Variants in RNF169 observed in about 807,000 individuals in gnomAD.
RNF169 encodes E3 ubiquitin-protein ligase RNF169.
RNF169 carries 24 observed loss-of-function variants against 53.9 expected under a neutral mutation model. That is an observed-to-expected ratio of 0.45 (90% CI 0.32 to 0.63). The LOEUF (loss-of-function observed/expected upper bound fraction) is 0.63, where lower values mean the gene tolerates loss of function less well. Ranked by LOEUF, RNF169 falls within the 20% of genes least tolerant of loss-of-function variation. The pLI, the probability that RNF169 is intolerant of heterozygous loss-of-function variation, is 0.04. For missense variants in RNF169, 883 were observed against 906.2 expected (o/e 0.97, Z 0.33); for synonymous variants, 396 against 363.5 (o/e 1.09, Z -1.02).
In RNF169 at chr11:74,792,819, GT is replaced by G. The variant is rs1215061519; in HGVS notation, c.576+3125del. On this transcript the variant is annotated intron_variant, in intron 2 of 5. Transcript: ENST00000299563. ...TTTTAAAAGGGGCTGATGCCATAAT[GT>G]TTTTGAGTGAAGCTAGGATAATCTC... is the stretch of plus-strand genomic sequence containing the variant. Among the ~76,000 whole-genome samples the G allele has an allele frequency of 2.0e-5, 3 of 152,298 alleles. No homozygotes were observed. In the East Asian group the frequency reaches 5.8e-4, roughly 29 times the overall value.
intron 2 of RNF169, among the ~76,000 whole-genome samples, chr11:74,797,711 G>A (rs111256265): frequency 1.3e-3 from 195 of 152,204 alleles, no homozygotes; most frequent in African/African-American, 4.5e-3. Flanking sequence ...ATTTGGCTGG[G>A]CACAGTGGCT....
At position 74,836,612 on chromosome 11, in the gene RNF169, G is replaced by T. The variant is rs192609539; in HGVS notation, c.2009G>T (p.Arg670Leu). Reference sequence around the variant, plus strand: ...AAGCTTCAGCAAGAGGAAGAAGACCGACAGTTGGCTCTGCAGTTGCAGCGC... The same window carrying T: ...AAGCTTCAGCAAGAGGAAGAAGACCTACAGTTGGCTCTGCAGTTGCAGCGC... ...EQKLQQEEED[R>L]QLALQLQRMF... The change falls in exon 6 of 6, where the codon CGA (arginine) becomes CTA (leucine). Residue 670 changes from arginine (R) to leucine (L), a missense_variant. Coordinates refer to ENST00000299563, the MANE Select transcript of RNF169 (RefSeq NM_001098638.2). The T allele has an allele frequency of 6.2e-7, 1 of 1,614,098 alleles. No individual in the cohort carries two copies. The highest frequency in any genetic ancestry group is 1.3e-5 in the African/African-American group (1 of 75,062).
rs2036299805 is a variant in RNF169 at position 74,839,026 on chromosome 11, G to T, written c.*2296G>T. The T allele has an allele frequency of 6.6e-6, 1 of 152,118 alleles. No individual in the cohort carries two copies. The highest frequency in any genetic ancestry group is 6.5e-5 in the Admixed American group (1 of 15,276). The allele number at this position is 152,118 out of a possible 1,614,324, so 9.4% of individuals were successfully genotyped here. ...AAAGAAATATTTTTAATAGATAAAA[G>T]ATATATATTTTAAATATTTCCCCAA... On this transcript the variant is annotated 3_prime_UTR_variant, in exon 6 of 6. Transcript: ENST00000299563.
intron 4 of RNF169, among the ~76,000 whole-genome samples, chr11:74,829,310 C>G (rs1591432529): frequency 6.6e-6 from 1 of 152,128 alleles, no homozygotes; most frequent in Admixed American, 6.5e-5. Flanking sequence ...TCACACCAGT[C>G]AGAATGGCTA....
intron 2 of RNF169, among the ~76,000 whole-genome samples, chr11:74,809,016 T>G (rs528310768): frequency 6.6e-6 from 1 of 152,288 alleles, no homozygotes; most frequent in East Asian, 1.9e-4. Flanking sequence ...TTTTAAAGAT[T>G]AGTTCAGGCT....
At chr11:74,786,860 T>C (rs1022079738) in intron 1 of RNF169, among the ~76,000 whole-genome samples, 3 of 152,156 alleles carry the variant, frequency 2.0e-5, no homozygotes, top group Non-Finnish European at 4.4e-5. Flanking sequence ...AAAATGAAAA[T>C]GTTAAGCTCT....
chr11:74,784,294 T>G (rs1278834771), intron 1 of RNF169, among the ~76,000 whole-genome samples: 1 of 152,202 alleles, frequency 6.6e-6, no homozygotes, highest in Non-Finnish European at 1.5e-5. Context: ...AACTATGATC[T>G]AAAGAGATTT....
At chr11:74,778,642 G>T (rs978056768) in intron 1 of RNF169, among the ~76,000 whole-genome samples, 1 of 152,110 alleles carries the variant, frequency 6.6e-6, no homozygotes. Context: ...GAGAACTGCC[G>T]CCACTTTCAA....
In RNF169 at chr11:74,773,575, A is replaced by G. The variant is rs887148127; in HGVS notation, c.503-16051A>G. 3.3e-5 allele frequency among the ~76,000 whole-genome samples: 5 copies of G among 152,254 alleles called. No individual in the cohort carries two copies. In the South Asian group the frequency reaches 6.2e-4, roughly 19 times the overall value. Reference sequence around the variant, plus strand: ...TTTCACCTACTGAATCCCAGGCACAACAATATTCTTACATGTTTATTTTTC... The same window carrying G: ...TTTCACCTACTGAATCCCAGGCACAGCAATATTCTTACATGTTTATTTTTC... On this transcript the variant is annotated intron_variant, in intron 1 of 5. Transcript: ENST00000299563.
intron 3 of RNF169, among the ~76,000 whole-genome samples, chr11:74,816,169 C>T (rs1667810661): frequency 6.6e-6 from 1 of 152,230 alleles, no homozygotes; most frequent in Non-Finnish European, 1.5e-5. Context: ...ATGCAGGGTA[C>T]TCGGAGCCAT....
intron 3 of RNF169, among the ~76,000 whole-genome samples, chr11:74,814,020 ATCTTAAGT>A (rs1281592274): frequency 1.3e-5 from 2 of 151,476 alleles, no homozygotes; most frequent in African/African-American, 4.8e-5. Flanking sequence ...GTTTTAGTTC[ATCTTAAGT>A]TGTGGGTATT....
In RNF169 at chr11:74,813,873, G is replaced by A. The variant is rs556252552; in HGVS notation, c.723+3543G>A. 2.6e-5 allele frequency among the ~76,000 whole-genome samples: 4 copies of A among 152,128 alleles called. No homozygotes were observed. The South Asian group carries it at 8.3e-4, about 32-fold the overall frequency. On this transcript the variant is annotated intron_variant, in intron 3 of 5. Transcript: ENST00000299563. ...GCCCAGTTAATCTTTTGTATTTTTA[G>A]TAGAGATGGCGTTTCACCATGTTAG...
chr11:74,804,350 T>C lies in RNF169; in HGVS notation c.577-5834T>C, dbSNP rs527956386. Among the ~76,000 whole-genome samples the C allele has an allele frequency of 5.9e-5, 9 of 152,302 alleles. No homozygotes were observed. The South Asian group carries it at 1.7e-3, about 28-fold the overall frequency. On this transcript the variant is annotated intron_variant, in intron 2 of 5. Coordinates refer to ENST00000299563, the MANE Select transcript of RNF169 (RefSeq NM_001098638.2). ...GAGTGAATAAATGAGTACAAATTTT[T>C]GTAAAATAACAATTTGTGAAGTGTA... is the stretch of plus-strand genomic sequence containing the variant.
intron 4 of RNF169, among the ~76,000 whole-genome samples, chr11:74,833,621 T>C (rs996058390): frequency 2.6e-5 from 4 of 152,230 alleles, no homozygotes; most frequent in African/African-American, 4.8e-5. Flanking sequence ...CTTGAAGATC[T>C]AGACTGTGTC....
chr11:74,776,569 A>G (rs945471497), intron 1 of RNF169, among the ~76,000 whole-genome samples: 2 of 151,668 alleles, frequency 1.3e-5, no homozygotes, highest in Admixed American at 6.6e-5. Flanking sequence ...ACACATACCT[A>G]GAGATCATCC....
chr11:74,780,615 T>C lies in RNF169; in HGVS notation c.503-9011T>C, dbSNP rs192504925. Among the ~76,000 whole-genome samples the C allele has an allele frequency of 7.2e-5, 11 of 152,354 alleles. No individual in the cohort carries two copies. In the East Asian group the frequency reaches 1.7e-3, roughly 24 times the overall value. ...CATTTCATACTTTAAAAAATGGTTT[T>C]AATTTTTGGCTTGTAGTTTCATCAT... On this transcript the variant is annotated intron_variant, in intron 1 of 5. Transcript: ENST00000299563.
rs958478453 is a variant in RNF169 at position 74,748,924 on chromosome 11, C to G, written c.44C>G (p.Ala15Gly). 1 of 1,450,502 alleles carries G rather than the reference C, an allele frequency of 6.9e-7. No individual in the cohort carries two copies. Among genetic ancestry groups the G allele is most frequent in the Non-Finnish European group, 9.2e-7 (1 of 1,091,806 alleles). The allele number at this position is 1,450,502 out of a possible 1,614,324, so 89.9% of individuals were successfully genotyped here. The change falls in exon 1 of 6, where the codon GCA (alanine) becomes GGA (glycine). Residue 15 changes from alanine (A) to glycine (G), a missense_variant. Coordinates refer to ENST00000299563, the MANE Select transcript of RNF169 (RefSeq NM_001098638.2). ...AGTACTCGGGCCTCTTCCGCGGCGGCAGCAGCCGCTCTGAGTCGGCGGGGC... is the reference window on the plus strand; with the variant it reads ...AGTACTCGGGCCTCTTCCGCGGCGGGAGCAGCCGCTCTGAGTCGGCGGGGC... ...GPSTRASSAA[A>G]AAALSRRGRR...
intron 1 of RNF169, among the ~76,000 whole-genome samples, chr11:74,761,725 C>G (rs920358412): frequency 4.6e-5 from 7 of 151,984 alleles, no homozygotes; most frequent in African/African-American, 1.7e-4. Flanking sequence ...TTCTCTCTGG[C>G]TGCCCTTAAC....
chr11:74,759,975 C>A (rs987457081), intron 1 of RNF169, among the ~76,000 whole-genome samples: 28 of 151,184 alleles, frequency 1.9e-4, no homozygotes, highest in African/African-American at 6.8e-4. Context: ...TTGATTATTG[C>A]CACAATTTCA....
Sources: gnomAD v4.1 joint callset for allele counts (sites outside exome capture counted in the v4.1 genomes callset) on GRCh38, gnomAD v4.1.1 for gene constraint, MANE v1.5 for transcripts, NCBI Gene and HGNC (gene_info 2026-07-23, HGNC 2026-07-21) for gene names.